The following SQLE variants were observed in gnomAD, a reference collection of about 807,000 sequenced individuals.
The protein encoded by SQLE is squalene epoxidase.
SQLE carries 29 observed loss-of-function variants against 60.7 expected under a neutral mutation model. The ratio of observed to expected loss-of-function variants is 0.48; its 90% CI spans 0.36 to 0.65. The LOEUF (loss-of-function observed/expected upper bound fraction) is 0.65. Ranked by LOEUF, SQLE falls within the 30% of genes least tolerant of loss-of-function variation. The pLI is 0.00. For missense variants in SQLE, 605 were observed against 684.1 expected (o/e 0.88, Z 1.29); for synonymous variants, 237 against 246.8 (o/e 0.96, Z 0.37).
chr8:125,017,587 C>T lies in SQLE; in HGVS notation c.1205-472C>T, dbSNP rs1004160370. Among the ~76,000 whole-genome samples the T allele has an allele frequency of 4.6e-5, 7 of 152,206 alleles. No individual in the cohort carries two copies. The East Asian group carries it at 9.7e-4, about 21-fold the overall frequency. On this transcript the variant is annotated intron_variant, in intron 7 of 10. Coordinates refer to ENST00000265896, the MANE Select transcript of SQLE (RefSeq NM_003129.4). ...TGCCAAGACCTAGAATCAGGGACCCCAGGAACCCACTTGGTGCTCTGTCTC... is the reference window on the plus strand; with the variant it reads ...TGCCAAGACCTAGAATCAGGGACCCTAGGAACCCACTTGGTGCTCTGTCTC...
rs1815107332 is a variant in SQLE, at chr8:125,016,029, T to A, written c.1205-2030T>A. Among the ~76,000 whole-genome samples the A allele has an allele frequency of 6.6e-6, 1 of 152,222 alleles. No homozygotes were observed. The highest frequency in any genetic ancestry group is 2.1e-4 in the South Asian group (1 of 4,832). ...TGTTGCTCTTAGGATCTTTTCTATA[T>A]CCTTGACCTTTGGGAGTTTGATTAT... On this transcript the variant is annotated intron_variant, in intron 7 of 10. Transcript: ENST00000265896. This position sits in a 1 kb window ranked among gnomAD's most constrained non-coding sequence, Gnocchi z 4.1.
At chr8:125,005,096 GTTTT>G (rs935139733) in intron 2 of SQLE, among the ~76,000 whole-genome samples, 1 of 150,552 alleles carries the variant, frequency 6.6e-6, no homozygotes, top group African/African-American at 2.4e-5. Context: ...ATAAATTGGG[GTTTT>G]TTTTTGAGTT....
chr8:125,010,522 A>T (rs11986959), intron 6 of SQLE, among the ~76,000 whole-genome samples: 11,631 of 152,082 alleles, frequency 0.076, 724 homozygotes, highest in African/African-American at 0.17. Flanking sequence ...TTTTCAAGTT[A>T]TTTTTTAAAC....
chr8:125,011,460 C>A, intron 6 of SQLE, 77 bp from the exon 7 acceptor site: 2 of 1,209,766 alleles, frequency 1.7e-6, no homozygotes, highest in Non-Finnish European at 2.4e-6. Flanking sequence ...TTTGTTTATA[C>A]TTGATAAGAA....
chr8:125,020,868 C>T lies in SQLE; in HGVS notation c.1529C>T (p.Ser510Phe), dbSNP rs1485661601. Residue 510 changes from serine (S) to phenylalanine (F), a missense_variant, in exon 10 of 11, where the codon TCT becomes TTT. Ser to Phe is a radical substitution (Grantham distance 155). Transcript: ENST00000265896. ...GTTGCGGGTCCTGTTGGGCTGCTTT[C>T]TGTGTAAGTTGTGATGGCACAGAGG... ...ECVAGPVGLL[S>F]VLSPNPLVLI... 3 of 1,612,070 alleles carry T rather than the reference C, an allele frequency of 1.9e-6. No homozygotes were observed. Among genetic ancestry groups the T allele is most frequent in the Non-Finnish European group, 2.5e-6 (3 of 1,178,566 alleles).
At chr8:125,005,016 G>T (rs965806320) in intron 2 of SQLE, among the ~76,000 whole-genome samples, 1 of 152,092 alleles carries the variant, frequency 6.6e-6, no homozygotes, top group Admixed American at 6.5e-5. Context: ...ATCATCAACA[G>T]TTGGGGGATA....
chr8:125,015,441 A>G (rs1410550305), intron 7 of SQLE, among the ~76,000 whole-genome samples: 1 of 151,536 alleles, frequency 6.6e-6, no homozygotes, highest in Non-Finnish European at 1.5e-5. Context: ...TTGTTTTCTG[A>G]TTGTTTTGCT....
Position 125,017,583 on chromosome 8 carries a change from A to G in SQLE, c.1205-476A>G, listed in dbSNP as rs1815129580. 2.0e-5 allele frequency among the ~76,000 whole-genome samples: 3 copies of G among 152,052 alleles called. No homozygotes were observed. In the East Asian group the frequency reaches 5.8e-4, roughly 30 times the overall value. On this transcript the variant is annotated intron_variant, in intron 7 of 10. Coordinates refer to ENST00000265896, the MANE Select transcript of SQLE (RefSeq NM_003129.4). ...CAGGTGCCAAGACCTAGAATCAGGGACCCCAGGAACCCACTTGGTGCTCTG... is the reference window on the plus strand; with the variant it reads ...CAGGTGCCAAGACCTAGAATCAGGGGCCCCAGGAACCCACTTGGTGCTCTG...
chr8:125,002,080 GT>G (rs1431158175), intron 1 of SQLE, among the ~76,000 whole-genome samples: 11 of 152,240 alleles, frequency 7.2e-5, no homozygotes, highest in Non-Finnish European at 7.4e-5. Context: ...CAGGTTTAAT[GT>G]TTTTCCTTGT....
At chr8:125,014,794 G>GT in intron 7 of SQLE, among the ~76,000 whole-genome samples, 1 of 152,210 alleles carries the variant, frequency 6.6e-6, no homozygotes. Flanking sequence ...GATTTCAATT[G>GT]TTTTTTGAAT....
In SQLE at chr8:125,018,218, T is replaced by C. The variant is rs1207706864; in HGVS notation, c.1347+17T>C. 2.5e-6 allele frequency: 4 copies of C among 1,607,944 alleles called. No individual in the cohort carries two copies. The Admixed American group carries it at 6.9e-5, about 28-fold the overall frequency. On this transcript the variant is annotated intron_variant, in intron 8 of 10. Coordinates refer to ENST00000265896, the MANE Select transcript of SQLE (RefSeq NM_003129.4). ...ATTTTCGAGGTAAGATCAATTATTT[T>C]GACAAAAATGTCTCAAAATGGATTT...
chr8:125,004,208 C>G (rs1013717224), intron 2 of SQLE, among the ~76,000 whole-genome samples: 3 of 152,104 alleles, frequency 2.0e-5, no homozygotes, highest in Non-Finnish European at 2.9e-5. Flanking sequence ...TTTTTAAGCC[C>G]AAGCATAGTT....
At chr8:125,007,355 T>C (rs1169645513) in intron 3 of SQLE, 36 bp from the exon 4 acceptor site, 3 of 1,433,338 alleles carry the variant, frequency 2.1e-6, no homozygotes, top group East Asian at 2.5e-5. Flanking sequence ...TGCTGAAATG[T>C]GCTGCTTTAG....
chr8:125,007,771 A>G (rs1437858651), intron 4 of SQLE, among the ~76,000 whole-genome samples: 2 of 152,232 alleles, frequency 1.3e-5, no homozygotes, highest in Non-Finnish European at 2.9e-5. Flanking sequence ...TTTTTGGATT[A>G]GAGATACTCA....
intron 4 of SQLE, 100 bp downstream of exon 4, chr8:125,007,587 G>A: frequency 2.9e-6 from 2 of 686,630 alleles, no homozygotes; most frequent in South Asian, 2.3e-5. Context: ...TACATGTTGA[G>A]TATCTCTTAT....
At chr8:125,006,430 C>A (rs1224185307) in intron 3 of SQLE, among the ~76,000 whole-genome samples, 1 of 151,730 alleles carries the variant, frequency 6.6e-6, no homozygotes, top group Non-Finnish European at 1.5e-5. Context: ...ACCAGCCTGG[C>A]CAATATGGTG....
chr8:125,019,367 T>C (rs1815164512), intron 9 of SQLE, among the ~76,000 whole-genome samples: 1 of 151,796 alleles, frequency 6.6e-6, no homozygotes, highest in Non-Finnish European at 1.5e-5. Context: ...GGAGGATCGC[T>C]TAAAGCCAGG....
At chr8:125,003,053 T>G (rs1814883020) in intron 1 of SQLE, 123 bp from the exon 2 acceptor site, 1 of 788,504 alleles carries the variant, frequency 1.3e-6, no homozygotes, top group African/African-American at 1.8e-5. Flanking sequence ...ATTTGTTTGG[T>G]TTGATAATAT....
rs1563593914 is a variant in SQLE, at chr8:124,998,834, G to T, written c.-570G>T. ...GTTGGCGTTTTCCCGAGGTTGGGCT[G>T]TACAGTGTCTCCGTCCGCGGAAAAA... On this transcript the variant is annotated 5_prime_UTR_variant, in exon 1 of 11. Transcript: ENST00000265896. 2.2e-6 allele frequency: 1 copy of T among 445,362 alleles called. No homozygotes were observed. Among genetic ancestry groups the T allele is most frequent in the East Asian group, 3.6e-5 (1 of 27,610 alleles). The allele number at this position is 445,362 out of a possible 1,614,324, so 27.6% of individuals were successfully genotyped here.
Sources: gnomAD v4.1 joint callset for allele counts (sites outside exome capture counted in the v4.1 genomes callset) on GRCh38, gnomAD v4.1.1 for gene constraint, Gnocchi (gnomAD v3.1) non-coding constraint, MANE v1.5 for transcripts, NCBI Gene and HGNC (gene_info 2026-07-23, HGNC 2026-07-21) for gene names.